C10orf143: variants seen among roughly 807,000 people sequenced by gnomAD.
The protein encoded by C10orf143 is chromosome 10 open reading frame 143.
chr10:130,054,634 A>G (rs1330061488), intron 3 of C10orf143, among the ~76,000 whole-genome samples: 1 of 152,180 alleles, frequency 6.6e-6, no homozygotes, highest in African/African-American at 2.4e-5. Context: ...TTGCATTCCT[A>G]CCAACAGTGG....
chr10:130,052,888 ACT>A (rs768953449), intron 3 of C10orf143, among the ~76,000 whole-genome samples: 10 of 152,184 alleles, frequency 6.6e-5, no homozygotes, highest in Non-Finnish European at 1.0e-4. Flanking sequence ...CAAACAGCTA[ACT>A]CTAGTCGAGT....
intron 3 of C10orf143, among the ~76,000 whole-genome samples, chr10:130,070,479 T>C (rs1861012799): frequency 2.0e-5 from 3 of 152,042 alleles, no homozygotes; most frequent in Admixed American, 2.0e-4. Flanking sequence ...CATTTCTCTC[T>C]AGCAGCTCTA....
Position 130,036,351 on chromosome 10 carries a change from C to T in C10orf143, c.298-381G>A, listed in dbSNP as rs145682284. Among the ~76,000 whole-genome samples the T allele has an allele frequency of 2.0e-3, 312 of 152,324 alleles. 3 individuals are homozygous for T. The highest frequency in any genetic ancestry group is 7.2e-3 in the African/African-American group (299 of 41,576). On this transcript the variant is annotated intron_variant and NMD_transcript_variant, in intron 3 of 5. Coordinates refer to the C10orf143 transcript ENST00000643056. Reference sequence around the variant, plus strand: ...TAGGTCATGGACACCATCCACAGACCTCAGGCCCTCCTGTCATAGGACGAT... The same window carrying T: ...TAGGTCATGGACACCATCCACAGACTTCAGGCCCTCCTGTCATAGGACGAT...
intron 3 of C10orf143, among the ~76,000 whole-genome samples, chr10:130,045,447 C>T (rs1471396028): frequency 2.0e-5 from 3 of 152,246 alleles, no homozygotes; most frequent in Admixed American, 1.3e-4. Context: ...TCTGCTGCCC[C>T]GCCCACAGTG....
rs1860910438 is a variant in C10orf143 at position 130,065,174 on chromosome 10, G to GGACCTGCCT, written c.298-792_298-791insAGGCAGGTC. The GGACCTGCCT allele has an allele frequency of 3.3e-5, 5 of 152,320 alleles. No individual in the cohort carries two copies. Among genetic ancestry groups the GGACCTGCCT allele is most frequent in the Non-Finnish European group, 7.3e-5 (5 of 68,156 alleles). 9.4% of individuals were successfully genotyped at this position (152,320 alleles called of 1,614,324 possible). On this transcript the variant is annotated intron_variant, in intron 3 of 3. Transcript: ENST00000637128. The surrounding 1 kb of genome is among the most constrained non-coding windows in gnomAD (Gnocchi z 4.2). Reference sequence around the variant, plus strand: ...TGATGATGTCCCTGCTTCCTGGAAGGCAGGGGCTGCCCTGACCCACAGGGA... The same window carrying GGACCTGCCT: ...TGATGATGTCCCTGCTTCCTGGAAGGGACCTGCCTCAGGGGCTGCCCTGACCCACAGGGA...
At chr10:130,043,830 A>G (rs1234656189) in intron 3 of C10orf143, among the ~76,000 whole-genome samples, 1 of 152,248 alleles carries the variant, frequency 6.6e-6, no homozygotes, top group Non-Finnish European at 1.5e-5. Flanking sequence ...GAACGAGCAG[A>G]TGCCCCAGCA....
At chr10:130,058,936 C>T (rs1474702891), downstream of C10orf143, among the ~76,000 whole-genome samples, 1 of 151,924 alleles carries the variant, frequency 6.6e-6, no homozygotes, top group African/African-American at 2.4e-5. Flanking sequence ...AATAAAAAGG[C>T]CACCCACACA....
chr10:130,072,195 A>C (rs940334844), intron 3 of C10orf143, among the ~76,000 whole-genome samples: 6 of 152,248 alleles, frequency 3.9e-5, no homozygotes, highest in Non-Finnish European at 5.9e-5. Context: ...TAGGCCAATT[A>C]ACACATTGTC....
chr10:130,041,888 A>G (rs1454556848), intron 3 of C10orf143, among the ~76,000 whole-genome samples: 1 of 152,116 alleles, frequency 6.6e-6, no homozygotes, highest in African/African-American at 2.4e-5. Flanking sequence ...CGTGTAACAC[A>G]CACACACACA....
intron 3 of C10orf143, among the ~76,000 whole-genome samples, chr10:130,045,410 G>T (rs1860655337): frequency 6.6e-6 from 1 of 152,178 alleles, no homozygotes; most frequent in African/African-American, 2.4e-5. Flanking sequence ...ACTGAAACTA[G>T]CAGGTGACGA....
At chr10:130,101,476 G>C (rs1184116247) in intron 1 of C10orf143, among the ~76,000 whole-genome samples, 1 of 152,084 alleles carries the variant, frequency 6.6e-6, no homozygotes, top group East Asian at 1.9e-4. Flanking sequence ...ACTGTGTCAA[G>C]ACAGTGGAGC....
chr10:130,050,396 A>T (rs1860723468), intron 3 of C10orf143, among the ~76,000 whole-genome samples: 1 of 152,248 alleles, frequency 6.6e-6, no homozygotes, highest in Non-Finnish European at 1.5e-5. Context: ...ATGGCTGAAC[A>T]ACAACAAAAA....
At chr10:130,101,693 C>T (rs1379605627) in intron 1 of C10orf143, among the ~76,000 whole-genome samples, 1 of 150,426 alleles carries the variant, frequency 6.6e-6, no homozygotes, top group Non-Finnish European at 1.5e-5. Context: ...GGTGAAATCC[C>T]ATCTCTATAA....
intron 1 of C10orf143, among the ~76,000 whole-genome samples, chr10:130,088,786 A>G (rs550854467): frequency 4.6e-5 from 7 of 152,360 alleles, no homozygotes; most frequent in African/African-American, 1.4e-4. Context: ...CATTCTTTCC[A>G]TCAAGTAAAG....
At chr10:130,101,676 C>T (rs187976694) in intron 1 of C10orf143, among the ~76,000 whole-genome samples, 40 of 151,156 alleles carry the variant, frequency 2.6e-4, no homozygotes, top group African/African-American at 8.7e-4. Flanking sequence ...ACCATCCTGG[C>T]CAACATGGTG....
intron 1 of C10orf143, among the ~76,000 whole-genome samples, chr10:130,081,161 A>G (rs527816628): frequency 1.1e-4 from 17 of 152,228 alleles, no homozygotes; most frequent in South Asian, 2.1e-4. Context: ...ATAATAGAGA[A>G]ATAAAAACAA....
chr10:130,096,399 T>C (rs1163843025), intron 1 of C10orf143, among the ~76,000 whole-genome samples: 1 of 151,834 alleles, frequency 6.6e-6, no homozygotes, highest in Non-Finnish European at 1.5e-5. Flanking sequence ...CTCAAGGATC[T>C]AGAACCAGAA....
At chr10:130,077,153 C>A (rs529777178) in intron 3 of C10orf143, among the ~76,000 whole-genome samples, 1 of 152,046 alleles carries the variant, frequency 6.6e-6, no homozygotes, top group African/African-American at 2.4e-5. Flanking sequence ...TTACAATACG[C>A]CAGAATGAGT....
At chr10:130,054,003 G>T (rs1343628776) in intron 3 of C10orf143, among the ~76,000 whole-genome samples, 1 of 152,232 alleles carries the variant, frequency 6.6e-6, no homozygotes, top group African/African-American at 2.4e-5. Flanking sequence ...GGGCCAGTAT[G>T]CTGTTTTGAA....
Sources: allele counts gnomAD v4.1 joint callset (sites outside exome capture counted in the v4.1 genomes callset), GRCh38; gene constraint gnomAD v4.1.1; non-coding constraint Gnocchi (gnomAD v3.1); transcripts MANE v1.5; gene names NCBI Gene and HGNC (gene_info 2026-07-23, HGNC 2026-07-21).